PLA2G2C: variants seen among roughly 807,000 people sequenced by gnomAD.
PLA2G2C encodes the protein putative inactive group IIC secretory phospholipase A2.
PLA2G2C carries 15 observed loss-of-function variants against 14.3 expected under a neutral mutation model. The observed-to-expected ratio is 1.05, with a 90% confidence interval of 0.70 to 1.62. PLA2G2C has a LOEUF of 1.62. Ranked by LOEUF, PLA2G2C falls within the 40% of genes most tolerant of loss-of-function variation. The pLI, the probability that PLA2G2C is intolerant of heterozygous loss-of-function variation, is 0.00. For missense variants in PLA2G2C, 162 were observed against 173.2 expected, an observed-to-expected ratio of 0.94 and a Z score of 0.36; for synonymous variants, 79 against 67.7, an observed-to-expected ratio of 1.17 and a Z score of -0.82.
At chr1:20,171,144 G>A (rs1314968656) in intron 4 of PLA2G2C, among the ~76,000 whole-genome samples, 1 of 142,672 alleles carries the variant, frequency 7.0e-6, no homozygotes, top group Non-Finnish European at 1.5e-5. Flanking sequence ...GGTGGGAAGA[G>A]GCCATGGGAA....
chr1:20,167,410 C>G (rs1480083328), intron 4 of PLA2G2C, among the ~76,000 whole-genome samples: 1 of 152,196 alleles, frequency 6.6e-6, no homozygotes, highest in Non-Finnish European at 1.5e-5. Flanking sequence ...TCTACAGCCA[C>G]TCAGGCCAGG....
At chr1:20,186,062 C>G (rs768138579) in intron 1 of PLA2G2C, 1 of 128,886 alleles carries the variant, frequency 7.8e-6, no homozygotes, top group Non-Finnish European at 1.6e-5. Flanking sequence ...AAGCACGTGG[C>G]CCCCCACCCT....
rs761265164 is a variant in PLA2G2C at position 20,175,159 on chromosome 1, T to C, written c.41-14A>G. ...TGTGGGTGGGGGCTGCCACCACCGATGAGAAAAAAAGGAAGAAGGAAGTTG... is the reference window on the plus strand; with the variant it reads ...TGTGGGTGGGGGCTGCCACCACCGACGAGAAAAAAAGGAAGAAGGAAGTTG... On this transcript the variant is annotated splice_polypyrimidine_tract_variant and intron_variant, in intron 2 of 4. Transcript: ENST00000679259. 6.8e-5 allele frequency: 109 copies of C among 1,612,614 alleles called. No individual in the cohort carries two copies. The highest frequency in any genetic ancestry group is 9.1e-5 in the Non-Finnish European group (107 of 1,179,554).
At chr1:20,173,175 G>A (rs2301476) in intron 3 of PLA2G2C, among the ~76,000 whole-genome samples, 17,926 of 150,878 alleles carry the variant, frequency 0.12, 1,572 homozygotes, top group East Asian at 0.48. Flanking sequence ...AAAAAGCCAG[G>A]CATGGTGGCA....
intron 1 of PLA2G2C, among the ~76,000 whole-genome samples, chr1:20,179,960 T>C (rs1225709522): frequency 6.6e-6 from 1 of 150,844 alleles, no homozygotes; most frequent in African/African-American, 2.4e-5. Context: ...AGCTTCTCCC[T>C]CGTGTGTCAG....
At position 20,180,495 on chromosome 1, in the gene PLA2G2C, C is replaced by T. The variant is rs538074763; in HGVS notation, c.-76-3056G>A. On this transcript the variant is annotated intron_variant, in intron 1 of 4. Coordinates refer to ENST00000679259, the MANE Select transcript of PLA2G2C (RefSeq NM_001367969.2). ...GAGGAGGAGACCAAGTCTCAGAGAGCGGAAGTAACCTGAAAAAATCCACAC... is the reference window on the plus strand; with the variant it reads ...GAGGAGGAGACCAAGTCTCAGAGAGTGGAAGTAACCTGAAAAAATCCACAC... 1.4e-4 allele frequency among the ~76,000 whole-genome samples: 21 copies of T among 152,332 alleles called. 1 individual carries two copies. The South Asian group carries it at 3.7e-3, about 27-fold the overall frequency.
chr1:20,163,772 G>T lies in PLA2G2C; in HGVS notation c.*219C>A. 1.8e-6 allele frequency: 1 copy of T among 549,912 alleles called. No individual in the cohort carries two copies. The highest frequency in any genetic ancestry group is 3.2e-6 in the Non-Finnish European group (1 of 313,718). The allele number at this position is 549,912 out of a possible 1,614,324, so 34.1% of individuals were successfully genotyped here. On this transcript the variant is annotated 3_prime_UTR_variant, in exon 5 of 5. Transcript: ENST00000679259. ...ACAGAATGCCAGCTCCTGCAGGGCA[G>T]GCATCTCATCTTTCCCATTTCTGCT...
chr1:20,185,777 T>C (rs548372274), intron 1 of PLA2G2C, among the ~76,000 whole-genome samples: 44 of 152,128 alleles, frequency 2.9e-4, no homozygotes, highest in African/African-American at 1.1e-3. Flanking sequence ...GAGAAACGGA[T>C]TTTGAGACTA....
intron 4 of PLA2G2C, among the ~76,000 whole-genome samples, chr1:20,167,840 C>T (rs567833919): frequency 9.2e-5 from 14 of 152,334 alleles, no homozygotes; most frequent in South Asian, 4.1e-4. Flanking sequence ...AGGCCTTCTT[C>T]GACCACCTAA....
rs545735800 is a variant in PLA2G2C at position 20,175,155 on chromosome 1, C to T, written c.41-10G>A. The T allele has an allele frequency of 6.2e-7, 1 of 1,613,202 alleles. No homozygotes were observed. ...CTGCTGTGGGTGGGGGCTGCCACCA[C>T]CGATGAGAAAAAAAGGAAGAAGGAA... On this transcript the variant is annotated splice_polypyrimidine_tract_variant and intron_variant, in intron 2 of 4. Coordinates refer to ENST00000679259, the MANE Select transcript of PLA2G2C (RefSeq NM_001367969.2).
At chr1:20,171,011 A>G (rs1261795335) in intron 4 of PLA2G2C, among the ~76,000 whole-genome samples, 1 of 141,310 alleles carries the variant, frequency 7.1e-6, no homozygotes, top group Non-Finnish European at 1.5e-5. Context: ...AGCATTGAAT[A>G]GAGAAGCTTC....
intron 1 of PLA2G2C, among the ~76,000 whole-genome samples, chr1:20,180,917 T>C (rs187243266): frequency 1.3e-5 from 2 of 152,310 alleles, no homozygotes; most frequent in Non-Finnish European, 2.9e-5. Flanking sequence ...AATGAAACAC[T>C]GGTTGGCTTT....
intron 1 of PLA2G2C, among the ~76,000 whole-genome samples, chr1:20,179,157 CCT>C (rs1470061782): frequency 1.2e-4 from 19 of 152,274 alleles, no homozygotes; most frequent in African/African-American, 4.3e-4. Context: ...CCCAGAGCTC[CCT>C]GTGGCCTCAG....
In PLA2G2C at chr1:20,172,886, G is replaced by T. The variant is rs2018113070; in HGVS notation, c.191C>A (p.Ser64Ter). The T allele has an allele frequency of 6.2e-7, 1 of 1,613,722 alleles. No homozygotes were observed. The highest frequency in any genetic ancestry group is 8.5e-7 in the Non-Finnish European group (1 of 1,179,762). Residue 64 changes from serine to a stop codon, truncating the protein, a stop_gained, in exon 4 of 5, where the codon TCA (serine) becomes TAA (stop). Coordinates refer to ENST00000679259, the MANE Select transcript of PLA2G2C (RefSeq NM_001367969.2). LOFTEE classifies it high-confidence loss of function. ...PVDDTDRHSPSSPSPYEKLKE... is the reference protein window; with the variant it reads ...PVDDTDRHSP ...CAGCTTCTCGTAGGGAGAGGGAGAT[G>T]AGGGGCTGTGCCTGGAAGTGGGTCC...
intron 4 of PLA2G2C, among the ~76,000 whole-genome samples, chr1:20,166,950 G>T (rs761778779): frequency 1.3e-5 from 2 of 152,202 alleles, no homozygotes; most frequent in Non-Finnish European, 2.9e-5. Context: ...GTCTTTGGAG[G>T]CCACCTTTTA....
intron 1 of PLA2G2C, among the ~76,000 whole-genome samples, chr1:20,179,015 C>T (rs776605161): frequency 1.1e-4 from 16 of 152,248 alleles, no homozygotes; most frequent in African/African-American, 3.1e-4. Context: ...CTGCAGGTAC[C>T]GCGTGGCCCA....
At chr1:20,166,921 C>A (rs1285726660) in intron 4 of PLA2G2C, among the ~76,000 whole-genome samples, 1 of 152,186 alleles carries the variant, frequency 6.6e-6, no homozygotes. Flanking sequence ...GATGAGACAG[C>A]CCCAGGCCAA....
intron 1 of PLA2G2C, among the ~76,000 whole-genome samples, chr1:20,180,191 C>A (rs190934538): frequency 6.6e-6 from 1 of 152,212 alleles, no homozygotes; most frequent in Admixed American, 6.5e-5. Flanking sequence ...AGCTGTATCT[C>A]CTGGAGCCTC....
rs2018207430 is a variant in PLA2G2C, at chr1:20,177,445, C to A, written c.-76-6G>T. On this transcript the variant is annotated splice_polypyrimidine_tract_variant and splice_region_variant and intron_variant, in intron 1 of 4. Coordinates refer to ENST00000679259, the MANE Select transcript of PLA2G2C (RefSeq NM_001367969.2). Reference sequence around the variant, plus strand: ...GGGGTCTCCCAGCTGAACCTCTGTTCCAGGACAAAATGACCAAAATGAGGC... The same window carrying A: ...GGGGTCTCCCAGCTGAACCTCTGTTACAGGACAAAATGACCAAAATGAGGC... 3 of 599,038 alleles carry A rather than the reference C, an allele frequency of 5.0e-6. No homozygotes were observed. The South Asian group carries it at 5.9e-5, about 12-fold the overall frequency. 37.1% of individuals were successfully genotyped at this position (599,038 alleles called of 1,614,324 possible). A position where few individuals can be genotyped will look rare whatever the true frequency, so the allele number is the denominator to read the frequency against.
Sources: gnomAD v4.1 joint callset for allele counts (sites outside exome capture counted in the v4.1 genomes callset) on GRCh38, gnomAD v4.1.1 for gene constraint, MANE v1.5 for transcripts, NCBI Gene and HGNC (gene_info 2026-07-23, HGNC 2026-07-21) for gene names.